The following ZCWPW2 variants were observed in gnomAD, a reference collection of about 807,000 sequenced individuals.
The protein encoded by ZCWPW2 is zinc finger CW-type PWWP domain protein 2.
A neutral mutation model predicts 46.6 loss-of-function variants in ZCWPW2; 45 were observed. The observed-to-expected ratio is 0.96, with a 90% confidence interval of 0.76 to 1.24. The LOEUF is 1.24. ZCWPW2 is among the 50% of genes most tolerant of loss of function. The pLI is 0.00. For missense variants in ZCWPW2, 429 were observed against 403.9 expected (o/e 1.06, Z -0.53); for synonymous variants, 152 against 137.1 (o/e 1.11, Z -0.76).
chr3:28,417,026 C>T lies in ZCWPW2; in HGVS notation c.332+3626C>T, dbSNP rs145969605. On this transcript the variant is annotated intron_variant, in intron 3 of 9. Transcript: ENST00000383768. ...GCTTTGGTATCAGGATGATGCTGGC[C>T]TCATAAAATGAGTTAGGCAGGATTC... Among the ~76,000 whole-genome samples, 1,409 of 148,470 alleles carry T rather than the reference C, an allele frequency of 9.5e-3. 21 individuals carry two copies. The highest frequency in any genetic ancestry group is 0.043 in the East Asian group (216 of 5,078).
chr3:28,462,127 C>G (rs1575163362), intron 4 of ZCWPW2, among the ~76,000 whole-genome samples: 1 of 152,054 alleles, frequency 6.6e-6, no homozygotes, highest in Non-Finnish European at 1.5e-5. Context: ...TGAGGGTGGG[C>G]AGGGCAGACT....
chr3:28,481,562 T>C (rs946863241), intron 5 of ZCWPW2, among the ~76,000 whole-genome samples: 1 of 152,168 alleles, frequency 6.6e-6, no homozygotes, highest in African/African-American at 2.4e-5. Flanking sequence ...GTTTAAATTG[T>C]TTTCTGCTTA....
At chr3:28,359,872 A>G (rs1704876321) in intron 1 of ZCWPW2, among the ~76,000 whole-genome samples, 1 of 152,128 alleles carries the variant, frequency 6.6e-6, no homozygotes, top group Non-Finnish European at 1.5e-5. Context: ...AACCTTAAAT[A>G]TTGATTATAA....
intron 8 of ZCWPW2, 84 bp downstream of exon 8, chr3:28,515,705 A>G: frequency 7.9e-7 from 1 of 1,269,764 alleles, no homozygotes; most frequent in Non-Finnish European, 1.1e-6. Context: ...GAAGGAAAAA[A>G]AAAGATTTCC....
At chr3:28,511,035 G>A (rs773567109) in intron 6 of ZCWPW2, 25 of 455,716 alleles carry the variant, frequency 5.5e-5, no homozygotes, top group Non-Finnish European at 9.3e-5. Flanking sequence ...GAGAGTCAAC[G>A]CTAAGAATCT....
chr3:28,380,977 ATATATATATATATATATATTTG>A (rs1695051591), intron 1 of ZCWPW2, among the ~76,000 whole-genome samples: 3 of 43,780 alleles, frequency 6.9e-5, no homozygotes, highest in Non-Finnish European at 1.1e-4. Context: ...TATATTTGGT[ATATATATATATATATATATTTG>A]GTATATATAT....
chr3:28,387,844 G>T (rs1341499218), intron 1 of ZCWPW2, among the ~76,000 whole-genome samples: 1 of 152,122 alleles, frequency 6.6e-6, no homozygotes, highest in African/African-American at 2.4e-5. Context: ...AGAAGAGTGT[G>T]CAATAAAGAA....
chr3:28,430,238 C>G (rs1240988672), intron 3 of ZCWPW2, among the ~76,000 whole-genome samples: 1 of 152,224 alleles, frequency 6.6e-6, no homozygotes, highest in Non-Finnish European at 1.5e-5. Context: ...GAGCCCACCT[C>G]TTGCATCAGC....
chr3:28,500,317 G>A (rs1426620773), intron 6 of ZCWPW2, among the ~76,000 whole-genome samples: 1 of 151,956 alleles, frequency 6.6e-6, no homozygotes, highest in Non-Finnish European at 1.5e-5. Context: ...AATACTACAT[G>A]CATCCATGTA....
At position 28,525,325 on chromosome 3, in the gene ZCWPW2, A is replaced by C. The variant is rs1700820858; in HGVS notation, c.*637A>C. Among the ~76,000 whole-genome samples the C allele has an allele frequency of 6.6e-6, 1 of 152,114 alleles. No homozygotes were observed. The highest frequency in any genetic ancestry group is 2.1e-4 in the South Asian group (1 of 4,824). ...AATCAGTGTCTTTGGAGGTATCATC[A>C]GGAAGATGGAAAAATGTAATTTAAA... On this transcript the variant is annotated 3_prime_UTR_variant, in exon 10 of 10. Coordinates refer to ENST00000383768, the MANE Select transcript of ZCWPW2 (RefSeq NM_001040432.4).
chr3:28,461,219 T>G (rs1350181252), intron 4 of ZCWPW2: 1 of 159,284 alleles, frequency 6.3e-6, no homozygotes, highest in Non-Finnish European at 1.4e-5. Context: ...TAATTTTAGA[T>G]TATAGATGTT....
intron 3 of ZCWPW2, among the ~76,000 whole-genome samples, chr3:28,420,606 T>C (rs112173374): frequency 1.4e-4 from 22 of 152,100 alleles, no homozygotes; most frequent in African/African-American, 5.3e-4. Flanking sequence ...ATTACTTGTA[T>C]TACTTTCTTA....
chr3:28,409,545 A>C (rs1696312635), intron 2 of ZCWPW2, among the ~76,000 whole-genome samples: 1 of 152,166 alleles, frequency 6.6e-6, no homozygotes, highest in Admixed American at 6.6e-5. Context: ...AATTATGACA[A>C]ATTTTGAGGT....
intron 8 of ZCWPW2, among the ~76,000 whole-genome samples, chr3:28,518,650 C>T (rs930368428): frequency 4.6e-5 from 7 of 152,130 alleles, no homozygotes; most frequent in African/African-American, 1.2e-4. Flanking sequence ...AATGCCATTT[C>T]GCAATGATAT....
chr3:28,520,658 A>G (rs1157782553), intron 8 of ZCWPW2, among the ~76,000 whole-genome samples: 2 of 152,170 alleles, frequency 1.3e-5, no homozygotes, highest in Non-Finnish European at 2.9e-5. Flanking sequence ...AAATTTGCTG[A>G]CACTTTTTCT....
chr3:28,457,304 T>C (rs1259114734), intron 4 of ZCWPW2, among the ~76,000 whole-genome samples: 1 of 152,218 alleles, frequency 6.6e-6, no homozygotes, highest in Non-Finnish European at 1.5e-5. Context: ...TATGATTCTA[T>C]CATTAAACAT....
chr3:28,429,220 G>C (rs1697143245), intron 3 of ZCWPW2, among the ~76,000 whole-genome samples: 1 of 152,158 alleles, frequency 6.6e-6, no homozygotes, highest in Non-Finnish European at 1.5e-5. Context: ...GGTCTCAGAT[G>C]AAAATGAGGA....
At chr3:28,435,953 G>T (rs996992148) in intron 4 of ZCWPW2, among the ~76,000 whole-genome samples, 4 of 152,056 alleles carry the variant, frequency 2.6e-5, no homozygotes, top group African/African-American at 9.7e-5. Context: ...ATTATGGATT[G>T]CAACCAGTTT....
chr3:28,516,817 G>T (rs140264291), intron 8 of ZCWPW2, among the ~76,000 whole-genome samples: 1 of 150,712 alleles, frequency 6.6e-6, no homozygotes, highest in African/African-American at 2.4e-5. Flanking sequence ...GACCAGCCTG[G>T]GCAACACAGT....
Sources: allele counts gnomAD v4.1 joint callset (sites outside exome capture counted in the v4.1 genomes callset), GRCh38; gene constraint gnomAD v4.1.1; transcripts MANE v1.5; gene names NCBI Gene and HGNC (gene_info 2026-07-23, HGNC 2026-07-21).